Variants in GRIK1 observed in about 807,000 individuals in gnomAD.
The protein encoded by GRIK1 is glutamate receptor ionotropic, kainate 1.
In GRIK1, 69 loss-of-function variants were observed where a neutral mutation model predicts 105.7. The ratio of observed to expected loss-of-function variants is 0.65; its 90% confidence interval spans 0.54 to 0.80. GRIK1 has a LOEUF of 0.80. GRIK1 is among the 30% of genes least tolerant of loss of function. The pLI is 0.00. For missense variants in GRIK1, 1,109 were observed against 1,167.3 expected (o/e 0.95, Z 0.73); for synonymous variants, 438 against 431.3 (o/e 1.02, Z -0.19).
At chr21:29,790,237 C>G (rs1432957167) in intron 1 of GRIK1, among the ~76,000 whole-genome samples, 1 of 151,972 alleles carries the variant, frequency 6.6e-6, no homozygotes, top group African/African-American at 2.4e-5. Context: ...TTGGTAGAGA[C>G]GGGGTTTCAC....
intron 1 of GRIK1, among the ~76,000 whole-genome samples, chr21:29,911,343 A>G (rs1372426833): frequency 6.6e-6 from 1 of 152,030 alleles, no homozygotes; most frequent in Non-Finnish European, 1.5e-5. Flanking sequence ...AGCTGATTTT[A>G]TGCTTCAAAA....
intron 1 of GRIK1, among the ~76,000 whole-genome samples, chr21:29,822,183 CTAA>C (rs1378206277): frequency 2.0e-5 from 3 of 151,990 alleles, no homozygotes; most frequent in Non-Finnish European, 4.4e-5. Context: ...CATACAGTCA[CTAA>C]TGCAACCATT....
intron 1 of GRIK1, among the ~76,000 whole-genome samples, chr21:29,756,786 TATC>T (rs1176734742): frequency 6.6e-6 from 1 of 152,132 alleles, no homozygotes; most frequent in African/African-American, 2.4e-5. Flanking sequence ...TAGAAAATTC[TATC>T]ATATTTGTTC....
At chr21:29,882,424 C>G (rs1359803593) in intron 1 of GRIK1, among the ~76,000 whole-genome samples, 2 of 151,950 alleles carry the variant, frequency 1.3e-5, no homozygotes, top group Non-Finnish European at 2.9e-5. Flanking sequence ...AGAAATGGTT[C>G]TAGTGGTAGA....
intron 12 of GRIK1, among the ~76,000 whole-genome samples, chr21:29,583,584 G>A (rs1292992716): frequency 6.6e-6 from 1 of 152,120 alleles, no homozygotes; most frequent in Non-Finnish European, 1.5e-5. Flanking sequence ...ACTTGGTCTT[G>A]TTTCATACTT....
At chr21:29,634,672 C>T (rs563102149) in intron 7 of GRIK1, among the ~76,000 whole-genome samples, 3 of 152,144 alleles carry the variant, frequency 2.0e-5, no homozygotes, top group African/African-American at 4.8e-5. Flanking sequence ...ATCAGAGCTA[C>T]GGAGTTGAAA....
intron 1 of GRIK1, chr21:29,758,815 C>G (rs981356131): frequency 1.3e-5 from 2 of 152,686 alleles, no homozygotes; most frequent in African/African-American, 4.8e-5. Flanking sequence ...CTCTTCTAGT[C>G]CAACATTCTC....
intron 3 of GRIK1, among the ~76,000 whole-genome samples, chr21:29,684,126 A>G (rs2063435037): frequency 6.6e-6 from 1 of 152,172 alleles, no homozygotes; most frequent in Non-Finnish European, 1.5e-5. Context: ...TATTTACTAT[A>G]TATTTTGTTC....
At chr21:29,790,388 G>T (rs1194581379) in intron 1 of GRIK1, among the ~76,000 whole-genome samples, 1 of 151,998 alleles carries the variant, frequency 6.6e-6, no homozygotes, top group African/African-American at 2.4e-5. Context: ...TTACCAGTAA[G>T]AAGGCCCAAT....
rs372052422 is a variant in GRIK1, at chr21:29,587,408, A to C, written c.1751T>G (p.Leu584Ter). 2 of 1,613,716 alleles carry C rather than the reference A, an allele frequency of 1.2e-6. No homozygotes were observed. Among genetic ancestry groups the C allele is most frequent in the Non-Finnish European group, 1.7e-6 (2 of 1,179,740 alleles). Residue 584 changes from leucine to a stop codon, truncating the protein, a stop_gained, in exon 12 of 18, where the codon TTA becomes TGA. Transcript: ENST00000327783. LOFTEE classifies it high-confidence loss of function. Reference sequence around the variant, plus strand: ...TACACAGCTGACTCCCAAGCAGGCTAAGAGCACATACATCCAAATATCTGG... The same window carrying C: ...TACACAGCTGACTCCCAAGCAGGCTCAGAGCACATACATCCAAATATCTGG... ...LSPDIWMYVL[L>*]ACLGVSCVLF...
At chr21:29,888,268 TC>T (rs2069753508) in intron 1 of GRIK1, among the ~76,000 whole-genome samples, 1 of 139,038 alleles carries the variant, frequency 7.2e-6, no homozygotes. Context: ...CTTCCTTCCT[TC>T]CTTCCTATTT....
chr21:29,674,261 A>ATT (rs34189201), intron 3 of GRIK1, among the ~76,000 whole-genome samples: 276 of 135,714 alleles, frequency 2.0e-3, no homozygotes, highest in African/African-American at 6.6e-3. Flanking sequence ...TTATGTAGCT[A>ATT]TTTTTTTTTT....
intron 4 of GRIK1, among the ~76,000 whole-genome samples, chr21:29,670,911 A>G (rs2063148842): frequency 6.6e-6 from 1 of 152,238 alleles, no homozygotes; most frequent in Non-Finnish European, 1.5e-5. Context: ...GGAAATTTTA[A>G]TATCTAAAGA....
intron 1 of GRIK1, among the ~76,000 whole-genome samples, chr21:29,924,322 G>C (rs1437687643): frequency 1.3e-5 from 2 of 148,872 alleles, no homozygotes; most frequent in Non-Finnish European, 3.0e-5. Context: ...GGGCAACACA[G>C]TGAGACTGGC....
At chr21:29,576,265 C>G (rs2090890965) in intron 14 of GRIK1, among the ~76,000 whole-genome samples, 1 of 152,146 alleles carries the variant, frequency 6.6e-6, no homozygotes, top group African/African-American at 2.4e-5. Flanking sequence ...AAAAGCGAGG[C>G]AGAAATCAGT....
At chr21:29,682,417 G>C (rs2063398444) in intron 3 of GRIK1, among the ~76,000 whole-genome samples, 1 of 152,168 alleles carries the variant, frequency 6.6e-6, no homozygotes, top group Non-Finnish European at 1.5e-5. Context: ...CTATCCATAG[G>C]TAAATTTTAG....
chr21:29,854,729 A>G (rs893510486), intron 1 of GRIK1, among the ~76,000 whole-genome samples: 4 of 152,196 alleles, frequency 2.6e-5, no homozygotes, highest in African/African-American at 9.7e-5. Flanking sequence ...TAGGATCATG[A>G]TGGTTCAAGG....
chr21:29,848,779 A>ATATATATATATATATATTTTTTTTTTTTT, intron 1 of GRIK1, among the ~76,000 whole-genome samples: 1 of 77,884 alleles, frequency 1.3e-5, no homozygotes, highest in African/African-American at 5.8e-5. Context: ...ATATATATAT[A>ATATATATATATATATATTTTTTTTTTTTT]TTTTTTTTTT....
rs2067165379 is a variant in GRIK1, at chr21:29,816,754, CA to C, written c.118+122628del. 2.0e-5 allele frequency among the ~76,000 whole-genome samples: 3 copies of C among 151,938 alleles called. No individual in the cohort carries two copies. In the South Asian group the frequency reaches 6.2e-4, roughly 32 times the overall value. On this transcript the variant is annotated intron_variant, in intron 1 of 17. Coordinates refer to ENST00000327783, the MANE Select transcript of GRIK1 (RefSeq NM_001330994.2). ...GAGCTAAGAAAGTCAATCCCATAGA[CA>C]AAGAGAGTAGAATGAGAGTTACCAG...
Sources: allele counts gnomAD v4.1 joint callset (sites outside exome capture counted in the v4.1 genomes callset), GRCh38; gene constraint gnomAD v4.1.1; transcripts MANE v1.5; gene names NCBI Gene and HGNC (gene_info 2026-07-23, HGNC 2026-07-21).